TENM3: variants seen among roughly 807,000 people sequenced by gnomAD.
TENM3 encodes teneurin transmembrane protein 3, also known as teneurin-3.
In TENM3, 63 loss-of-function variants were observed where a neutral mutation model predicts 255.1. The ratio of observed to expected loss-of-function variants is 0.25; its 90% CI spans 0.20 to 0.30. TENM3 has a LOEUF of 0.30. Among genes scored for constraint, TENM3 ranks in the 10% least tolerant of loss-of-function variants. The pLI is 1.00. For synonymous variants in TENM3, 1,306 were observed against 1,322.3 expected (o/e 0.99, Z 0.27); for missense variants, 2,929 against 3,461.1 (o/e 0.85, Z 3.86).
intron 2 of TENM3, among the ~76,000 whole-genome samples, chr4:182,326,781 A>G (rs1033679171): frequency 1.3e-5 from 2 of 152,104 alleles, no homozygotes; most frequent in Non-Finnish European, 1.5e-5. Context: ...GGCCTCAAGC[A>G]ATCCTCTTAC....
chr4:182,344,195 T>G (rs1461329351), intron 2 of TENM3, among the ~76,000 whole-genome samples: 1 of 152,168 alleles, frequency 6.6e-6, no homozygotes, highest in Admixed American at 6.5e-5. Context: ...TAAAGTGACT[T>G]AAACAGAGCT....
At chr4:181,835,387 T>C in the TENM3 span, among the ~76,000 whole-genome samples, 2 of 152,234 alleles carry the variant, frequency 1.3e-5, no homozygotes, top group Non-Finnish European at 2.9e-5. Flanking sequence ...AGTTTATATA[T>C]TGGCCCTTCA....
In TENM3 at chr4:182,427,494, GTTA is replaced by G. The variant is rs567535159; in HGVS notation, c.511+80567_511+80569del. Among the ~76,000 whole-genome samples the G allele has an allele frequency of 2.0e-4, 30 of 152,286 alleles. No homozygotes were observed. The East Asian group carries it at 5.2e-3, about 26-fold the overall frequency. On this transcript the variant is annotated intron_variant, in intron 3 of 27. Coordinates refer to ENST00000511685, the MANE Select transcript of TENM3 (RefSeq NM_001080477.4). ...GCATTAAGGTAAAAGTCAGGCTGCG[GTTA>G]TATGCATTTTCTGTTAATTTACTGA...
intron 3 of TENM3, among the ~76,000 whole-genome samples, chr4:182,510,448 T>A (rs556298360): frequency 6.6e-6 from 1 of 152,334 alleles, no homozygotes; most frequent in South Asian, 2.1e-4. Context: ...ACTATAATCC[T>A]TAGTTTTGAA....
intron 1 of TENM3, among the ~76,000 whole-genome samples, chr4:182,282,868 G>C (rs983181922): frequency 2.7e-4 from 40 of 146,892 alleles, no homozygotes; most frequent in African/African-American, 9.7e-4. Context: ...ACTCCAGCCT[G>C]GGTGGCAGAG....
intron 13 of TENM3, among the ~76,000 whole-genome samples, chr4:182,718,190 A>G (rs544444041): frequency 1.6e-4 from 25 of 152,068 alleles, no homozygotes; most frequent in Admixed American, 1.3e-4. Context: ...AAAAAAAATT[A>G]TTAGCTTATA....
the TENM3 span, among the ~76,000 whole-genome samples, chr4:181,779,792 C>T: frequency 1.2e-4 from 18 of 152,168 alleles, no homozygotes; most frequent in Admixed American, 7.9e-4. Flanking sequence ...TCCCACTCCC[C>T]GCACCCCACG....
chr4:182,569,179 A>G (rs115268732), intron 3 of TENM3, among the ~76,000 whole-genome samples: 151 of 152,318 alleles, frequency 9.9e-4, no homozygotes, highest in African/African-American at 3.5e-3. Context: ...ATCAAAATCT[A>G]TGGGCCTATG....
chr4:182,540,763 A>G (rs918254638), intron 3 of TENM3, among the ~76,000 whole-genome samples: 1 of 152,230 alleles, frequency 6.6e-6, no homozygotes, highest in African/African-American at 2.4e-5. Context: ...GCATATACAT[A>G]TATGGCTTCT....
intron 6 of TENM3, among the ~76,000 whole-genome samples, chr4:182,667,487 C>A (rs1450404535): frequency 6.6e-6 from 1 of 152,128 alleles, no homozygotes; most frequent in Non-Finnish European, 1.5e-5. Flanking sequence ...CCACACCTGG[C>A]CCAAATTTAC....
At chr4:181,953,806 A>G in the TENM3 span, among the ~76,000 whole-genome samples, 4 of 152,188 alleles carry the variant, frequency 2.6e-5, no homozygotes, top group African/African-American at 9.7e-5. Flanking sequence ...ATTTACATAT[A>G]ATAGAATTCA....
At chr4:182,542,946 T>C (rs574576654) in intron 3 of TENM3, among the ~76,000 whole-genome samples, 32 of 152,338 alleles carry the variant, frequency 2.1e-4, no homozygotes, top group African/African-American at 7.0e-4. Context: ...AAGAGGTTTG[T>C]ATGACTCAGC....
intron 2 of TENM3, among the ~76,000 whole-genome samples, chr4:182,337,376 G>A (rs1462074202): frequency 1.3e-5 from 2 of 152,028 alleles, no homozygotes; most frequent in African/African-American, 4.8e-5. Flanking sequence ...ATTTTAAAAT[G>A]GGCAAAAAAC....
intron 12 of TENM3, among the ~76,000 whole-genome samples, chr4:182,693,212 CTGAGAACAAT>C (rs2152606567): frequency 2.0e-5 from 3 of 152,192 alleles, no homozygotes; most frequent in African/African-American, 7.2e-5. Flanking sequence ...TTCTGTGATA[CTGAGAACAAT>C]TTCTTACAAA....
the TENM3 span, among the ~76,000 whole-genome samples, chr4:181,888,540 A>ATATACATACATATATGTG: frequency 1.6e-5 from 2 of 121,686 alleles, no homozygotes; most frequent in African/African-American, 6.3e-5. Flanking sequence ...ATATGTGTAT[A>ATATACATACATATATGTG]TATATATATG....
At chr4:182,139,402 T>A (rs1749237900), upstream of TENM3, among the ~76,000 whole-genome samples, 1 of 152,186 alleles carries the variant, frequency 6.6e-6, no homozygotes, top group African/African-American at 2.4e-5. Flanking sequence ...TACCTATATT[T>A]TTAACCTATA....
At chr4:181,912,353 T>G in the TENM3 span, among the ~76,000 whole-genome samples, 1 of 152,240 alleles carries the variant, frequency 6.6e-6, no homozygotes, top group African/African-American at 2.4e-5. Flanking sequence ...ATACACAGAC[T>G]TCTCTAATAT....
chr4:181,793,648 A>C, the TENM3 span, among the ~76,000 whole-genome samples: 1 of 152,174 alleles, frequency 6.6e-6, no homozygotes. Flanking sequence ...TTCCAATTCC[A>C]AGATGAAAAC....
the TENM3 span, among the ~76,000 whole-genome samples, chr4:181,574,537 CAAA>C: frequency 2.4e-5 from 2 of 81,934 alleles, no homozygotes; most frequent in Non-Finnish European, 2.5e-5. Flanking sequence ...GACTCCGTCT[CAAA>C]AAAAAAAAAA....
Sources: gnomAD v4.1 joint callset for allele counts (sites outside exome capture counted in the v4.1 genomes callset) on GRCh38, gnomAD v4.1.1 for gene constraint, MANE v1.5 for transcripts, NCBI Gene and HGNC (gene_info 2026-07-23, HGNC 2026-07-21) for gene names.